PARM1: variants seen among roughly 807,000 people sequenced by gnomAD.
PARM1 encodes the protein WSC4, cell wall integrity and stress response component 4 homolog.
In PARM1, 14 loss-of-function variants were observed where a neutral mutation model predicts 24.6. That is an observed-to-expected ratio of 0.57 (90% CI 0.38 to 0.89). The LOEUF (loss-of-function observed/expected upper bound fraction) is 0.89, where lower values mean the gene tolerates loss of function less well. PARM1 is among the 40% of genes least tolerant of loss of function. PARM1 has a pLI of 0.00. For missense variants in PARM1, 362 were observed against 380.4 expected (o/e 0.95, Z 0.40); for synonymous variants, 179 against 156.6 (o/e 1.14, Z -1.07).
chr4:74,963,998 T>G (rs979962961), intron 1 of PARM1, among the ~76,000 whole-genome samples: 5 of 152,214 alleles, frequency 3.3e-5, no homozygotes, highest in Non-Finnish European at 7.3e-5. Flanking sequence ...ATCTCTTCCC[T>G]TCTGCAGAGA....
Position 75,013,109 on chromosome 4 carries a change from C to G in PARM1, c.728C>G (p.Pro243Arg). ...LIDMETTTTF[P>R]RVIMQEVEHA... ...GACATGGAGACCACCACCACCTTTCCCAGGGTGATCATGCAGGAAGTAGAA... is the reference window on the plus strand; with the variant it reads ...GACATGGAGACCACCACCACCTTTCGCAGGGTGATCATGCAGGAAGTAGAA... The change falls in exon 2 of 4, where the codon CCC becomes CGC. Residue 243 changes from proline to arginine, a missense_variant. Physicochemically the swap from Pro to Arg is moderately radical, Grantham distance 103. Transcript: ENST00000307428. 6.2e-7 allele frequency: 1 copy of G among 1,613,876 alleles called. No individual in the cohort carries two copies. Among genetic ancestry groups the G allele is most frequent in the Non-Finnish European group, 8.5e-7 (1 of 1,179,850 alleles).
chr4:75,030,300 C>T (rs1290278490), intron 2 of PARM1, among the ~76,000 whole-genome samples: 1 of 152,216 alleles, frequency 6.6e-6, no homozygotes, highest in Non-Finnish European at 1.5e-5. Flanking sequence ...AAACCTTAAT[C>T]TCTCTGAGCC....
intron 3 of PARM1, among the ~76,000 whole-genome samples, chr4:75,042,872 G>T (rs1723524721): frequency 6.7e-6 from 1 of 150,206 alleles, no homozygotes; most frequent in Admixed American, 6.6e-5. Flanking sequence ...CCCAATTTTG[G>T]TTCATCCATA....
intron 1 of PARM1, among the ~76,000 whole-genome samples, chr4:74,985,872 G>C (rs1722345502): frequency 6.6e-6 from 1 of 152,154 alleles, no homozygotes. Context: ...AGGTTCAAGT[G>C]ATTCTCCAGC....
intron 1 of PARM1, among the ~76,000 whole-genome samples, chr4:74,950,716 G>A (rs1208876711): frequency 6.6e-6 from 1 of 152,102 alleles, no homozygotes; most frequent in East Asian, 1.9e-4. Context: ...TTTTATTCAA[G>A]ATAGCATTCA....
chr4:75,007,908 G>C (rs141282271), intron 1 of PARM1, among the ~76,000 whole-genome samples: 4 of 152,318 alleles, frequency 2.6e-5, no homozygotes, highest in African/African-American at 9.6e-5. Flanking sequence ...AAGCCAGGGG[G>C]TGGGCCCTCA....
chr4:74,953,608 A>G (rs1721572692), intron 1 of PARM1, among the ~76,000 whole-genome samples: 1 of 152,204 alleles, frequency 6.6e-6, no homozygotes, highest in African/African-American at 2.4e-5. Context: ...AAAGAACTTA[A>G]TCAGGAAATC....
intron 1 of PARM1, among the ~76,000 whole-genome samples, chr4:74,983,046 G>T (rs1407396693): frequency 6.6e-6 from 1 of 152,190 alleles, no homozygotes; most frequent in Non-Finnish European, 1.5e-5. Flanking sequence ...ACCAGATATT[G>T]TCTTGTATCT....
chr4:74,942,738 G>A (rs1721335671), intron 1 of PARM1, among the ~76,000 whole-genome samples: 1 of 152,190 alleles, frequency 6.6e-6, no homozygotes, highest in Admixed American at 6.5e-5. Context: ...TAAGAGCACT[G>A]CTGTGGCCTC....
At chr4:75,026,394 ACC>A (rs1197857561) in intron 2 of PARM1, among the ~76,000 whole-genome samples, 1 of 152,278 alleles carries the variant, frequency 6.6e-6, no homozygotes, top group Admixed American at 6.5e-5. Context: ...AATATGCATA[ACC>A]ACCCACAGCT....
chr4:74,944,537 A>G (rs1195154232), intron 1 of PARM1, among the ~76,000 whole-genome samples: 1 of 152,118 alleles, frequency 6.6e-6, no homozygotes, highest in Non-Finnish European at 1.5e-5. Context: ...ACAGGTGACC[A>G]TGGCCCCACC....
chr4:74,934,351 A>G (rs1000973303), intron 1 of PARM1, among the ~76,000 whole-genome samples: 1 of 152,218 alleles, frequency 6.6e-6, no homozygotes, highest in Non-Finnish European at 1.5e-5. Context: ...CCAAAGTCAC[A>G]TAGCGCAAAC....
intron 2 of PARM1, among the ~76,000 whole-genome samples, chr4:75,018,749 G>T (rs1446132123): frequency 6.6e-6 from 1 of 152,208 alleles, no homozygotes; most frequent in Non-Finnish European, 1.5e-5. Context: ...CGTTCCAGTG[G>T]TGTGAGCTCA....
intron 2 of PARM1, among the ~76,000 whole-genome samples, 177 bp from the exon 3 acceptor site, chr4:75,033,706 A>T (rs1225481601): frequency 6.6e-6 from 1 of 152,224 alleles, no homozygotes; most frequent in Non-Finnish European, 1.5e-5. Flanking sequence ...TGGTAACAGA[A>T]TTAAAATCCT....
chr4:75,035,693 G>A (rs1406107720), intron 3 of PARM1, among the ~76,000 whole-genome samples: 1 of 151,910 alleles, frequency 6.6e-6, no homozygotes, highest in African/African-American at 2.4e-5. Context: ...AATCAATCTC[G>A]ATAATGTCAA....
rs537843121 is a variant in PARM1 at position 75,002,988 on chromosome 4, A to G, written c.44-9437A>G. On this transcript the variant is annotated intron_variant, in intron 1 of 3. Coordinates refer to ENST00000307428, the MANE Select transcript of PARM1 (RefSeq NM_015393.4). ...GCCTTTGTGTGTACTCTTGCCCTGGATCCCACAAATGTTGGGACTGGGTCT... is the reference window on the plus strand; with the variant it reads ...GCCTTTGTGTGTACTCTTGCCCTGGGTCCCACAAATGTTGGGACTGGGTCT... Among the ~76,000 whole-genome samples, 508 of 152,294 alleles carry G rather than the reference A, an allele frequency of 3.3e-3. 6 individuals carry two copies. The highest frequency in any genetic ancestry group is 0.011 in the African/African-American group (473 of 41,568).
intron 1 of PARM1, among the ~76,000 whole-genome samples, chr4:74,988,164 A>C (rs994498727): frequency 9.2e-5 from 14 of 152,152 alleles, no homozygotes; most frequent in African/African-American, 2.7e-4. Context: ...TAGTGGACAC[A>C]TTTACACAAC....
intron 1 of PARM1, chr4:74,967,417 A>G (rs1054353845): frequency 1.3e-5 from 2 of 152,182 alleles, no homozygotes; most frequent in Non-Finnish European, 2.9e-5. Flanking sequence ...AATCCACACA[A>G]TAACCCCATT....
chr4:75,028,944 A>G (rs186893126), intron 2 of PARM1, among the ~76,000 whole-genome samples: 5 of 152,376 alleles, frequency 3.3e-5, no homozygotes, highest in Non-Finnish European at 5.9e-5. Flanking sequence ...CTCAATGAGA[A>G]GAGTCCCTAG....
Sources: allele counts gnomAD v4.1 joint callset (sites outside exome capture counted in the v4.1 genomes callset), GRCh38; gene constraint gnomAD v4.1.1; transcripts MANE v1.5; gene names NCBI Gene and HGNC (gene_info 2026-07-23, HGNC 2026-07-21).